IRGM: variants seen among roughly 807,000 people sequenced by gnomAD.
The protein encoded by IRGM is immunity-related GTPase family M protein.
For missense variants in IRGM, 288 were observed against 219.9 expected (o/e 1.31, Z -1.96); for synonymous variants, 98 against 80.6 (o/e 1.22, Z -1.16).
intron 1 of IRGM, among the ~76,000 whole-genome samples, chr5:150,871,092 C>T (rs894295053): frequency 1.3e-5 from 2 of 152,120 alleles, no homozygotes; most frequent in Non-Finnish European, 2.9e-5. Flanking sequence ...TACAAGGCAA[C>T]CCTTTTGCTA....
At chr5:150,886,663 C>T (rs1043908697) in intron 3 of IRGM, among the ~76,000 whole-genome samples, 7 of 151,948 alleles carry the variant, frequency 4.6e-5, no homozygotes, top group African/African-American at 1.7e-4. Flanking sequence ...CCCATCTCTT[C>T]TAGGATATTT....
chr5:150,881,529 T>A (rs1050338349), intron 3 of IRGM, among the ~76,000 whole-genome samples: 1 of 151,984 alleles, frequency 6.6e-6, no homozygotes, highest in Admixed American at 6.6e-5. Flanking sequence ...TAAAAACATA[T>A]GAAAGTATAA....
Position 150,847,771 on chromosome 5 carries a change from C to A in IRGM, c.-353C>A. On this transcript the variant is annotated 5_prime_UTR_variant, in exon 2 of 2. An upstream open reading frame in the 5' UTR gains an earlier in-frame stop. Transcript: ENST00000522154. The stretch of plus-strand genomic sequence containing the variant: ...AGTGCCCCTCACACTCTATTAGCTG[C>A]ATCCTTAACCTCTTTTTGCCACACC... The A allele has an allele frequency of 4.1e-6, 1 of 243,606 alleles. No homozygotes were observed. Among genetic ancestry groups the A allele is most frequent in the Non-Finnish European group, 8.1e-6 (1 of 123,688 alleles). The allele number at this position is 243,606 out of a possible 1,614,324, so 15.1% of individuals were successfully genotyped here.
intron 1 of IRGM, among the ~76,000 whole-genome samples, chr5:150,869,338 CA>C: frequency 6.6e-6 from 1 of 152,210 alleles, no homozygotes; most frequent in African/African-American, 2.4e-5. Flanking sequence ...CCCATTTGAT[CA>C]TGGTGGATTA....
intron 3 of IRGM, chr5:150,896,136 AG>A: frequency 6.2e-7 from 1 of 1,613,338 alleles, no homozygotes; most frequent in Non-Finnish European, 8.5e-7. Context: ...ATGTATAATG[AG>A]GGGTGATTTC....
chr5:150,848,105 T>A lies in IRGM; in HGVS notation c.-19T>A, dbSNP rs777270209. 36 of 1,526,950 alleles carry A rather than the reference T, an allele frequency of 2.4e-5. No individual in the cohort carries two copies. Among genetic ancestry groups the A allele is most frequent in the Non-Finnish European group, 2.1e-5 (24 of 1,132,902 alleles). 94.6% of individuals were successfully genotyped at this position (1,526,950 alleles called of 1,614,324 possible). On this transcript the variant is annotated 5_prime_UTR_variant, in exon 2 of 2. It adds an upstream start codon to the 5' untranslated region. Coordinates refer to ENST00000522154, the MANE Select transcript of IRGM (RefSeq NM_001145805.2). The stretch of plus-strand genomic sequence containing the variant: ...CATGAGCCACGGCGCCTGGCCAGCA[T>A]TGGGGTATTTTATTGAAGATGGAAG...
chr5:150,893,952 G>T (rs1305036299), intron 3 of IRGM, among the ~76,000 whole-genome samples: 1 of 151,870 alleles, frequency 6.6e-6, no homozygotes, highest in Non-Finnish European at 1.5e-5. Context: ...TTAACATTGA[G>T]TTCCCACATC....
intron 3 of IRGM, among the ~76,000 whole-genome samples, chr5:150,885,338 TTGGGTAAC>T (rs367785910): frequency 0.1 from 15,186 of 152,160 alleles, 1,033 homozygotes; most frequent in East Asian, 0.39. Flanking sequence ...TAGTTTGAAG[TTGGGTAAC>T]ATAATGCCTC....
At chr5:150,897,268 C>T in intron 3 of IRGM, 1 of 279,910 alleles carries the variant, frequency 3.6e-6, no homozygotes. Context: ...TGAATAGAAA[C>T]CCCTTTTCAC....
At chr5:150,849,111 G>A (rs2113248513), downstream of IRGM, among the ~76,000 whole-genome samples, 1 of 151,910 alleles carries the variant, frequency 6.6e-6, no homozygotes, top group Admixed American at 6.6e-5. Context: ...AAGTAGAGAG[G>A]CAGGTTGCTT....
At chr5:150,893,917 C>T (rs1754662897) in intron 3 of IRGM, among the ~76,000 whole-genome samples, 2 of 152,056 alleles carry the variant, frequency 1.3e-5, no homozygotes, top group African/African-American at 4.8e-5. Context: ...TATAAATCAC[C>T]TGGGATGTGG....
At chr5:150,881,883 G>C (rs1331599459) in intron 3 of IRGM, among the ~76,000 whole-genome samples, 1 of 152,022 alleles carries the variant, frequency 6.6e-6, no homozygotes, top group Non-Finnish European at 1.5e-5. Flanking sequence ...TAACACAAAA[G>C]ATAAAAAGTA....
At chr5:150,895,999 A>G (rs1191001440) in intron 3 of IRGM, 1 of 1,613,532 alleles carries the variant, frequency 6.2e-7, no homozygotes, top group South Asian at 1.1e-5. Context: ...GCTTTCCCAC[A>G]TTCGGTACAC....
chr5:150,863,079 A>C (rs185128987), intron 1 of IRGM, among the ~76,000 whole-genome samples: 1 of 152,370 alleles, frequency 6.6e-6, no homozygotes, highest in East Asian at 1.9e-4. Context: ...TAATAAAATG[A>C]AGAAGTGGCC....
In IRGM at chr5:150,848,405, A is replaced by G. The variant is rs1014105458; in HGVS notation, c.282A>G (p.Thr94=). The change falls in exon 2 of 2, where the codon ACA becomes ACG. Residue 94 remains threonine (T), a synonymous_variant. Coordinates refer to ENST00000522154, the MANE Select transcript of IRGM (RefSeq NM_001145805.2). ...TGGTGTTGTGGGACCTGCCTGGCAC[A>G]GGGTCTGCCACCACAACCCTGGAGA... is the stretch of plus-strand genomic sequence containing the variant. ...SNVVLWDLPG[T]GSATTTLENY... 3.2e-6 allele frequency: 5 copies of G among 1,551,872 alleles called. No individual in the cohort carries two copies. The East Asian group carries it at 1.2e-4, about 38-fold the overall frequency.
At chr5:150,897,328 C>T (rs766361450) in intron 3 of IRGM, 1 of 178,728 alleles carries the variant, frequency 5.6e-6, no homozygotes, top group South Asian at 1.8e-4. Context: ...TTCTTATTAT[C>T]CTACCATCAC....
intron 1 of IRGM, among the ~76,000 whole-genome samples, chr5:150,854,465 G>T (rs1754020024): frequency 6.6e-6 from 1 of 152,058 alleles, no homozygotes; most frequent in African/African-American, 2.4e-5. Flanking sequence ...ACTTTGAAGG[G>T]CTGTCTTAAC....
rs1343923577 is a variant in IRGM, at chr5:150,848,536, G to T, written c.413G>T (p.Gly138Val). The change falls in exon 2 of 2, where the codon GGA becomes GTA. Residue 138 changes from glycine to valine, a missense_variant. Coordinates refer to ENST00000522154, the MANE Select transcript of IRGM (RefSeq NM_001145805.2). ...CTTGCCAAAACCGCTGAGGACATGG[G>T]AAAGAAGTTCTACATTGTCTGGACC... ...VMLAKTAEDM[G>V]KKFYIVWTKL... is the part of the protein sequence containing the mutation. 1 of 1,551,826 alleles carries T rather than the reference G, an allele frequency of 6.4e-7. No individual in the cohort carries two copies. The highest frequency in any genetic ancestry group is 2.0e-5 in the Admixed American group (1 of 51,006).
chr5:150,883,459 CTACATTTGTTTCTTGAAAAGAT>C (rs1754474072), intron 3 of IRGM, among the ~76,000 whole-genome samples: 1 of 134,076 alleles, frequency 7.5e-6, no homozygotes, highest in African/African-American at 4.0e-5. Context: ...ATCAAATAAA[CTACATTTGTTTCTTGAAAAGAT>C]AAACAAATTG....
Sources: allele counts gnomAD v4.1 joint callset (sites outside exome capture counted in the v4.1 genomes callset), GRCh38; gene constraint gnomAD v4.1.1; transcripts MANE v1.5; gene names NCBI Gene and HGNC (gene_info 2026-07-23, HGNC 2026-07-21).